FER: variants seen among roughly 807,000 people sequenced by gnomAD.
FER encodes tyrosine-protein kinase Fer.
FER carries 63 observed loss-of-function variants against 111.0 expected under a neutral mutation model. The ratio of observed to expected loss-of-function variants is 0.57; its 90% confidence interval spans 0.46 to 0.70. The LOEUF is 0.70. Ranked by LOEUF, FER falls within the 30% of genes least tolerant of loss-of-function variation. The probability of loss-of-function intolerance (pLI) is 0.00; values close to 1 mark genes in which losing one functional copy is unlikely to be tolerated. For missense variants in FER, 914 were observed against 954.0 expected (o/e 0.96, Z 0.55); for synonymous variants, 327 against 313.9 (o/e 1.04, Z -0.44).
At chr5:108,898,339 T>C (rs1229261684) in intron 10 of FER, among the ~76,000 whole-genome samples, 1 of 152,196 alleles carries the variant, frequency 6.6e-6, no homozygotes, top group Non-Finnish European at 1.5e-5. Flanking sequence ...ATTCACCAAC[T>C]TGAAATTCAA....
At chr5:108,804,366 A>C (rs1435132273) in intron 3 of FER, among the ~76,000 whole-genome samples, 1 of 152,108 alleles carries the variant, frequency 6.6e-6, no homozygotes, top group Non-Finnish European at 1.5e-5. Flanking sequence ...TTCTAGTACT[A>C]TACTGTATTG....
chr5:108,783,036 A>G (rs899386465), intron 2 of FER, among the ~76,000 whole-genome samples: 2 of 152,144 alleles, frequency 1.3e-5, no homozygotes, highest in African/African-American at 4.8e-5. Context: ...GCTGGACCAT[A>G]TTTCTTTGAA....
At chr5:109,086,408 C>A (rs1309019105) in intron 16 of FER, among the ~76,000 whole-genome samples, 2 of 151,630 alleles carry the variant, frequency 1.3e-5, no homozygotes, top group Non-Finnish European at 3.0e-5. Context: ...TGTGTTTTCT[C>A]CCCTTTTTTG....
At chr5:108,897,003 C>T (rs1382874469) in intron 9 of FER, among the ~76,000 whole-genome samples, 1 of 152,144 alleles carries the variant, frequency 6.6e-6, no homozygotes, top group Non-Finnish European at 1.5e-5. Context: ...CCATTGAAGG[C>T]AGCCTCCAAG....
At chr5:109,052,225 C>T (rs1772934823) in intron 16 of FER, 2 of 1,607,086 alleles carry the variant, frequency 1.2e-6, no homozygotes, top group African/African-American at 2.7e-5. Flanking sequence ...CTGCAGGACC[C>T]AGAAGCGCAC....
At chr5:109,075,593 T>G (rs1364586203) in intron 16 of FER, among the ~76,000 whole-genome samples, 1 of 151,968 alleles carries the variant, frequency 6.6e-6, no homozygotes, top group African/African-American at 2.4e-5. Context: ...CCGGATAATT[T>G]TTTGTATTTT....
intron 10 of FER, among the ~76,000 whole-genome samples, chr5:108,929,808 A>C (rs2149577427): frequency 6.6e-6 from 1 of 152,318 alleles, no homozygotes; most frequent in African/African-American, 2.4e-5. Flanking sequence ...AGATAGAAGT[A>C]ATTACAAAGC....
At chr5:108,888,305 A>G (rs1453170829) in intron 9 of FER, among the ~76,000 whole-genome samples, 2 of 151,974 alleles carry the variant, frequency 1.3e-5, no homozygotes, top group Non-Finnish European at 2.9e-5. Context: ...CTGTGATTGC[A>G]GTGAGAGGTA....
At chr5:109,074,202 C>T (rs1776069071) in intron 16 of FER, among the ~76,000 whole-genome samples, 1 of 152,084 alleles carries the variant, frequency 6.6e-6, no homozygotes, top group African/African-American at 2.4e-5. Context: ...ATATTATTAT[C>T]CTCAGTTTAC....
At chr5:108,777,083 G>A (rs1561402042) in intron 2 of FER, among the ~76,000 whole-genome samples, 1 of 152,172 alleles carries the variant, frequency 6.6e-6, no homozygotes, top group Non-Finnish European at 1.5e-5. Flanking sequence ...AGGCCAGGGT[G>A]GGAGGATTGC....
intron 17 of FER, among the ~76,000 whole-genome samples, chr5:109,170,768 A>C (rs1289119255): frequency 6.6e-6 from 1 of 152,008 alleles, no homozygotes; most frequent in Non-Finnish European, 1.5e-5. Context: ...CTTTTAACTT[A>C]CCCTCTGAGT....
chr5:108,764,594 T>C (rs1382879958), intron 1 of FER, among the ~76,000 whole-genome samples: 3 of 151,996 alleles, frequency 2.0e-5, no homozygotes, highest in Non-Finnish European at 4.4e-5. Context: ...ATGGGGTTTC[T>C]CCATGTTGGT....
At chr5:108,908,359 A>G (rs1387931699) in intron 10 of FER, among the ~76,000 whole-genome samples, 1 of 152,340 alleles carries the variant, frequency 6.6e-6, no homozygotes, top group South Asian at 2.1e-4. Context: ...AAATTGCTAA[A>G]GAAATTTCTA....
At chr5:108,993,657 G>A (rs1763617184) in intron 13 of FER, among the ~76,000 whole-genome samples, 1 of 116,998 alleles carries the variant, frequency 8.5e-6, no homozygotes, top group African/African-American at 3.1e-5. Flanking sequence ...GAGGGCGAGG[G>A]CGAGGGTGAG....
chr5:109,153,021 C>T (rs1488703182), intron 17 of FER, among the ~76,000 whole-genome samples: 1 of 151,770 alleles, frequency 6.6e-6, no homozygotes, highest in Non-Finnish European at 1.5e-5. Flanking sequence ...TAGCTATATA[C>T]ATGGTATATG....
At chr5:109,126,871 G>A (rs895965469) in intron 17 of FER, among the ~76,000 whole-genome samples, 1 of 152,192 alleles carries the variant, frequency 6.6e-6, no homozygotes, top group Non-Finnish European at 1.5e-5. Context: ...TAGGAAGTCA[G>A]GAAAGACTTC....
intron 16 of FER, among the ~76,000 whole-genome samples, chr5:109,066,370 T>G (rs915064732): frequency 6.6e-6 from 1 of 152,168 alleles, no homozygotes; most frequent in Non-Finnish European, 1.5e-5. Context: ...TTTTACATCT[T>G]TATATGTGCT....
chr5:109,043,589 A>T (rs147494285), intron 14 of FER, among the ~76,000 whole-genome samples: 94 of 152,314 alleles, frequency 6.2e-4, no homozygotes, highest in African/African-American at 2.1e-3. Flanking sequence ...TAAGAGTTAC[A>T]TTCATCTTAG....
intron 9 of FER, among the ~76,000 whole-genome samples, chr5:108,897,363 T>G (rs1749298074): frequency 6.6e-6 from 1 of 152,192 alleles, no homozygotes; most frequent in South Asian, 2.1e-4. Flanking sequence ...CCTCTGGACC[T>G]AAGTGTCTAC....
Sources: allele counts gnomAD v4.1 joint callset (sites outside exome capture counted in the v4.1 genomes callset), GRCh38; gene constraint gnomAD v4.1.1; transcripts MANE v1.5; gene names NCBI Gene and HGNC (gene_info 2026-07-23, HGNC 2026-07-21).